UNC93A: variants seen among roughly 807,000 people sequenced by gnomAD.
UNC93A encodes unc-93 homolog A, also known as N-acetylglucosamine transporter UNC93A.
In UNC93A, 43 loss-of-function variants were observed where a neutral mutation model predicts 47.5. The observed-to-expected ratio is 0.91, with a 90% CI of 0.71 to 1.17. The LOEUF is 1.17. Among genes scored for constraint, UNC93A ranks in the 50% most tolerant of loss-of-function variants. The pLI is 0.00. For missense variants in UNC93A, 605 were observed against 577.6 expected (o/e 1.05, Z -0.49); for synonymous variants, 280 against 258.0 (o/e 1.09, Z -0.82).
intron 4 of UNC93A, among the ~76,000 whole-genome samples, chr6:167,303,636 G>A (rs1583085605): frequency 1.3e-5 from 2 of 152,180 alleles, no homozygotes; most frequent in South Asian, 2.1e-4. Flanking sequence ...TTCTGGGGTC[G>A]CTCCGGAATT....
chr6:167,276,443 G>A (rs2115074678), intron 1 of UNC93A, among the ~76,000 whole-genome samples: 1 of 152,250 alleles, frequency 6.6e-6, no homozygotes, highest in Non-Finnish European at 1.5e-5. Context: ...TTTTATAGTA[G>A]CTGTAGCAGT....
At chr6:167,308,547 G>C (rs1778467412) in intron 7 of UNC93A, among the ~76,000 whole-genome samples, 1 of 152,018 alleles carries the variant, frequency 6.6e-6, no homozygotes, top group Non-Finnish European at 1.5e-5. Context: ...GCTGACCACT[G>C]TCCAGGTGGG....
chr6:167,290,613 A>G (rs1310973336), upstream of UNC93A, among the ~76,000 whole-genome samples: 1 of 152,210 alleles, frequency 6.6e-6, no homozygotes, highest in Non-Finnish European at 1.5e-5. Context: ...TTAAATTTTA[A>G]TTGTAATTAA....
chr6:167,301,204 G>C (rs950439222), intron 4 of UNC93A, among the ~76,000 whole-genome samples: 7 of 152,238 alleles, frequency 4.6e-5, no homozygotes, highest in Admixed American at 3.9e-4. Flanking sequence ...GCTGTTGTCT[G>C]TGGAACCTCC....
chr6:167,299,474 A>T (rs1326652376), intron 4 of UNC93A, among the ~76,000 whole-genome samples: 7 of 152,148 alleles, frequency 4.6e-5, no homozygotes, highest in Admixed American at 4.6e-4. Flanking sequence ...TATCGCTGGA[A>T]GTCGACAAAG....
In UNC93A at chr6:167,294,931, C is replaced by T. The variant is rs546109850; in HGVS notation, c.269+233C>T. Among the ~76,000 whole-genome samples the T allele has an allele frequency of 2.8e-3, 430 of 152,272 alleles. 2 individuals are homozygous for T. Among genetic ancestry groups the T allele is most frequent in the Non-Finnish European group, 4.2e-3 (285 of 68,008 alleles). On this transcript the variant is annotated intron_variant, in intron 2 of 7. Transcript: ENST00000230256. ...CCCCCACTGCTTCTGTCTCCTCCTCCCGATCCCCGATGCTGGCCTCTCCCT... is the reference window on the plus strand; with the variant it reads ...CCCCCACTGCTTCTGTCTCCTCCTCTCGATCCCCGATGCTGGCCTCTCCCT...
chr6:167,314,709 C>G (rs542575490), intron 7 of UNC93A, among the ~76,000 whole-genome samples: 3 of 152,286 alleles, frequency 2.0e-5, no homozygotes, highest in Non-Finnish European at 2.9e-5. Flanking sequence ...ATCAGAAACT[C>G]AAAAGAATGC....
At chr6:167,277,855 C>CTCTG (rs1783570178) in intron 1 of UNC93A, among the ~76,000 whole-genome samples, 1 of 151,232 alleles carries the variant, frequency 6.6e-6, no homozygotes, top group African/African-American at 2.4e-5. Context: ...GTCTCTGTCC[C>CTCTG]TCTCTGTCTC....
chr6:167,275,387 C>A (rs947430529), intron 1 of UNC93A, among the ~76,000 whole-genome samples: 1 of 152,208 alleles, frequency 6.6e-6, no homozygotes, highest in Non-Finnish European at 1.5e-5. Flanking sequence ...CACACCCTTC[C>A]GTTTCCCTAA....
intron 3 of UNC93A, among the ~76,000 whole-genome samples, chr6:167,297,267 C>A (rs2115133840): frequency 6.6e-6 from 1 of 151,530 alleles, no homozygotes; most frequent in African/African-American, 2.4e-5. Context: ...GCGTCGTGTG[C>A]TTCTCCACCT....
chr6:167,289,752 A>G (rs1038745853), upstream of UNC93A, among the ~76,000 whole-genome samples: 1 of 151,284 alleles, frequency 6.6e-6, no homozygotes, highest in African/African-American at 2.4e-5. Flanking sequence ...TAATATCAAA[A>G]TACAGGTCAT....
At chr6:167,296,523 G>A (rs181800035) in intron 3 of UNC93A, among the ~76,000 whole-genome samples, 1 of 152,370 alleles carries the variant, frequency 6.6e-6, no homozygotes, top group East Asian at 1.9e-4. Flanking sequence ...CCTTGGGAGA[G>A]GGCGCCATGG....
chr6:167,313,705 G>T (rs555204750), intron 7 of UNC93A, among the ~76,000 whole-genome samples: 119 of 152,212 alleles, frequency 7.8e-4, no homozygotes, highest in Middle Eastern at 3.4e-3. Flanking sequence ...GACCTGCCCA[G>T]GGTGTAGCCG....
intron 5 of UNC93A, among the ~76,000 whole-genome samples, chr6:167,305,446 G>A (rs1282072991): frequency 6.6e-6 from 1 of 152,202 alleles, no homozygotes; most frequent in Non-Finnish European, 1.5e-5. Flanking sequence ...GGTCGCCCGT[G>A]ATGGGAGTGT....
chr6:167,285,243 G>A (rs1783706030), intron 1 of UNC93A, among the ~76,000 whole-genome samples: 1 of 151,922 alleles, frequency 6.6e-6, no homozygotes, highest in Non-Finnish European at 1.5e-5. Flanking sequence ...TTTAGGCCAA[G>A]GGGAGGGGCC....
chr6:167,307,456 C>CAGTTCCAGAGGATGGTTGAGTT (rs11270007), intron 6 of UNC93A, among the ~76,000 whole-genome samples: 1 of 150,346 alleles, frequency 6.7e-6, no homozygotes, highest in Non-Finnish European at 1.5e-5. Context: ...TTCCAGAGGA[C>CAGTTCCAGAGGATGGTTGAGTT]GGTTCCAGAG....
chr6:167,294,976 A>C (rs1161246282), intron 2 of UNC93A, among the ~76,000 whole-genome samples: 1 of 151,992 alleles, frequency 6.6e-6, no homozygotes, highest in Non-Finnish European at 1.5e-5. Flanking sequence ...CCTGGTCCTC[A>C]GCTCCCCTGG....
chr6:167,272,534 G>C (rs1783466023), intron 1 of UNC93A, among the ~76,000 whole-genome samples: 1 of 152,228 alleles, frequency 6.6e-6, no homozygotes, highest in South Asian at 2.1e-4. Flanking sequence ...ATGTGCCCAA[G>C]GTGGTGGGGA....
intron 3 of UNC93A, 133 bp downstream of exon 3, chr6:167,296,394 T>C: frequency 2.1e-6 from 2 of 936,754 alleles, no homozygotes; most frequent in Non-Finnish European, 3.3e-6. Context: ...GCCCCACAGG[T>C]GAGATTCTCA....
Sources: allele counts gnomAD v4.1 joint callset (sites outside exome capture counted in the v4.1 genomes callset), GRCh38; gene constraint gnomAD v4.1.1; transcripts MANE v1.5; gene names NCBI Gene and HGNC (gene_info 2026-07-23, HGNC 2026-07-21).